The following SVOP variants were observed in gnomAD, a reference collection of about 807,000 sequenced individuals.
The protein encoded by SVOP is SV2 related protein.
In SVOP, 17 loss-of-function variants were observed where a neutral mutation model predicts 69.1. That is an observed-to-expected ratio of 0.25 (90% confidence interval 0.17 to 0.37). The LOEUF is 0.37. Ranked by LOEUF, SVOP falls within the 10% of genes least tolerant of loss-of-function variation. The pLI is 1.00. For missense variants in SVOP, 435 were observed against 597.5 expected (o/e 0.73, Z 2.84); for synonymous variants, 238 against 238.6 (o/e 1.00, Z 0.02).
intron 1 of SVOP, among the ~76,000 whole-genome samples, chr12:109,014,626 C>A (rs1182626947): frequency 6.6e-6 from 1 of 152,170 alleles, no homozygotes; most frequent in African/African-American, 2.4e-5. Flanking sequence ...ATACTCTTTT[C>A]CATGATGGCT....
chr12:108,975,970 G>A (rs920924431), intron 4 of SVOP, among the ~76,000 whole-genome samples: 7 of 152,100 alleles, frequency 4.6e-5, no homozygotes, highest in Non-Finnish European at 1.0e-4. Context: ...CAAAGTGCTG[G>A]GATTACAGGT....
At position 108,961,148 on chromosome 12, in the gene SVOP, G is replaced by C; in HGVS notation, c.454-101C>G. 2.1e-6 allele frequency: 3 copies of C among 1,396,022 alleles called. 1 individual carries two copies. The highest frequency in any genetic ancestry group is 3.2e-5 in the South Asian group (2 of 63,366). The allele number at this position is 1,396,022 out of a possible 1,614,324, so 86.5% of individuals were successfully genotyped here. On this transcript the variant is annotated intron_variant, in intron 5 of 15. Coordinates refer to ENST00000610966, the MANE Select transcript of SVOP (RefSeq NM_018711.5). ...GCCGATAATGGGGTCACATTAAAGGGAGCCTACACAACCAAGGGGGTACTG... is the reference window on the plus strand; with the variant it reads ...GCCGATAATGGGGTCACATTAAAGGCAGCCTACACAACCAAGGGGGTACTG...
Position 108,945,224 on chromosome 12 carries a change from C to T in SVOP, c.579-58G>A, listed in dbSNP as rs188538722. 2.4e-4 allele frequency: 362 copies of T among 1,495,710 alleles called. 1 individual carries two copies. In the African/African-American group the frequency reaches 4.5e-3, roughly 19 times the overall value. The allele number at this position is 1,495,710 out of a possible 1,614,324, so 92.7% of individuals were successfully genotyped here. On this transcript the variant is annotated intron_variant, in intron 6 of 15. Transcript: ENST00000610966. ...AGATCAGAACTGGGTGGGAAAATGG[C>T]TACCGTTTTCTGAATTTGCAGCCGA...
At chr12:108,939,414 T>G (rs904474701) in intron 8 of SVOP, among the ~76,000 whole-genome samples, 4 of 152,322 alleles carry the variant, frequency 2.6e-5, no homozygotes, top group East Asian at 3.9e-4. Context: ...GTATTCAGCA[T>G]CATCTTGCAA....
Position 108,922,770 on chromosome 12 carries a change from G to T in SVOP, c.1076C>A (p.Ala359Glu). 1 of 1,609,774 alleles carries T rather than the reference G, an allele frequency of 6.2e-7. No homozygotes were observed. Among genetic ancestry groups the T allele is most frequent in the Non-Finnish European group, 8.5e-7 (1 of 1,178,322 alleles). ...GTACTCGCAGGCCAGGCTGCATTTT[G>T]CCTCTACAGCCTTCTTCCGACTGGA... ...GISSRKKAVE[A>E]KCSLACEYLS... is the part of the protein sequence containing the mutation. The change falls in exon 12 of 16, where the codon GCA (alanine) becomes GAA (glutamate). Residue 359 changes from alanine (A) to glutamate (E), a missense_variant. Ala to Glu is a moderately radical substitution (Grantham distance 107). Transcript: ENST00000610966.
chr12:108,989,812 T>C (rs1353557877), intron 1 of SVOP, among the ~76,000 whole-genome samples: 1 of 152,214 alleles, frequency 6.6e-6, no homozygotes, highest in Non-Finnish European at 1.5e-5. Flanking sequence ...ACGAGACAAA[T>C]GTGAGGGATT....
In SVOP at chr12:108,922,711, T is replaced by C. The variant is rs1035888615; in HGVS notation, c.1135A>G (p.Thr379Ala). ...TCACCTGGAAACTCAGAGAGGGTGG[T>C]CCACAGCAAGTCCATGTAATCCTCC... The part of the protein sequence containing the change: ...SEEDYMDLLW[T>A]TLSEFPGVLV... Residue 379 changes from threonine (T) to alanine (A), a missense_variant, in exon 12 of 16, where the codon ACC becomes GCC. Thr to Ala is a moderately conservative substitution (Grantham distance 58, BLOSUM62 0). Transcript: ENST00000610966. 2 of 1,610,172 alleles carry C rather than the reference T, an allele frequency of 1.2e-6. No homozygotes were observed. Among genetic ancestry groups the C allele is most frequent in the Admixed American group, 1.7e-5 (1 of 59,518 alleles).
At chr12:109,017,316 G>A (rs1204924270) in intron 1 of SVOP, among the ~76,000 whole-genome samples, 3 of 152,084 alleles carry the variant, frequency 2.0e-5, no homozygotes, top group Non-Finnish European at 2.9e-5. Flanking sequence ...GAAGATCTGA[G>A]GTGGAATGGT....
chr12:108,970,253 CAG>C (rs933684141), intron 5 of SVOP, among the ~76,000 whole-genome samples: 23 of 152,306 alleles, frequency 1.5e-4, no homozygotes, highest in African/African-American at 4.8e-4. Context: ...ATAGTGAAGA[CAG>C]AGCTCTAGAC....
At position 108,912,128 on chromosome 12, in the gene SVOP, G is replaced by A. The variant is rs187901295; in HGVS notation, c.*407C>T. ...TGGGAGAAACCTACTGAACAGGTCC[G>A]GTGGGTGGACAGCAGGTGTCACATG... On this transcript the variant is annotated 3_prime_UTR_variant, in exon 16 of 16. Transcript: ENST00000610966. 6.7e-4 allele frequency: 676 copies of A among 1,003,266 alleles called. 7 individuals carry two copies. In the Middle Eastern group the frequency reaches 8.2e-3, roughly 12 times the overall value. The allele number at this position is 1,003,266 out of a possible 1,614,324, so 62.1% of individuals were successfully genotyped here.
At chr12:108,912,785 GCA>G in intron 15 of SVOP, 44 bp from the exon 16 acceptor site, 1 of 1,579,874 alleles carries the variant, frequency 6.3e-7, no homozygotes, top group Non-Finnish European at 8.6e-7. Context: ...CCCTTCTGAA[GCA>G]CAGACATCGC....
intron 1 of SVOP, among the ~76,000 whole-genome samples, chr12:108,991,873 G>T (rs1384668422): frequency 2.0e-5 from 3 of 152,126 alleles, no homozygotes; most frequent in Non-Finnish European, 2.9e-5. Flanking sequence ...TTGAGCCCAG[G>T]AAGTTGAGGC....
intron 4 of SVOP, among the ~76,000 whole-genome samples, chr12:108,974,357 T>C (rs2040095484): frequency 6.6e-6 from 1 of 152,194 alleles, no homozygotes; most frequent in Admixed American, 6.5e-5. Context: ...TTGTGGTCTA[T>C]TGTGTACTAC....
chr12:108,921,747 C>T (rs776248797), intron 12 of SVOP, among the ~76,000 whole-genome samples: 1 of 152,122 alleles, frequency 6.6e-6, no homozygotes, highest in Non-Finnish European at 1.5e-5. Context: ...GCACAGAATC[C>T]TAGCAGTTGC....
At chr12:109,011,707 G>A (rs2040342606) in intron 1 of SVOP, among the ~76,000 whole-genome samples, 2 of 152,268 alleles carry the variant, frequency 1.3e-5, no homozygotes, top group South Asian at 4.1e-4. Flanking sequence ...CGACCTAAGT[G>A]TCCATCAAGA....
At chr12:108,925,214 G>C (rs1415907973) in intron 11 of SVOP, among the ~76,000 whole-genome samples, 1 of 152,186 alleles carries the variant, frequency 6.6e-6, no homozygotes, top group Non-Finnish European at 1.5e-5. Flanking sequence ...CATCCAGGAG[G>C]TCGGATCTTC....
Position 108,939,247 on chromosome 12 carries a change from T to A in SVOP, c.769-292A>T, listed in dbSNP as rs117153620. 1.9e-3 allele frequency among the ~76,000 whole-genome samples: 290 copies of A among 152,328 alleles called. 4 individuals carry two copies. In the East Asian group the frequency reaches 0.032, roughly 17 times the overall value. On this transcript the variant is annotated intron_variant, in intron 8 of 15. Coordinates refer to ENST00000610966, the MANE Select transcript of SVOP (RefSeq NM_018711.5). The stretch of plus-strand genomic sequence containing the variant: ...AGGATAATACAGGCAAGGTGCCTAG[T>A]GCAGTGCCTGGTATGGGTTAATGCA...
intron 1 of SVOP, among the ~76,000 whole-genome samples, chr12:108,995,877 G>A (rs1223002219): frequency 6.6e-6 from 1 of 151,564 alleles, no homozygotes; most frequent in Non-Finnish European, 1.5e-5. Flanking sequence ...ACTCCAGCCT[G>A]GGCAACGCAG....
At position 108,971,786 on chromosome 12, in the gene SVOP, C is replaced by T. The variant is rs576919995; in HGVS notation, c.453+619G>A. 2.7e-4 allele frequency among the ~76,000 whole-genome samples: 41 copies of T among 152,160 alleles called. 1 individual carries two copies. In the South Asian group the frequency reaches 6.9e-3, roughly 25 times the overall value. On this transcript the variant is annotated intron_variant, in intron 5 of 15. Transcript: ENST00000610966. ...AGAAATGGCTTTCTGGGTGCAGTGG[C>T]TCATGTCTGTAATCCCAGCGCTGTG...
Sources: allele counts gnomAD v4.1 joint callset (sites outside exome capture counted in the v4.1 genomes callset), GRCh38; gene constraint gnomAD v4.1.1; transcripts MANE v1.5; gene names NCBI Gene and HGNC (gene_info 2026-07-23, HGNC 2026-07-21).